MPP2: variants seen among roughly 807,000 people sequenced by gnomAD.
MPP2 encodes the protein MAGUK p55 subfamily member 2.
A neutral mutation model predicts 58.5 loss-of-function variants in MPP2; 42 were observed. That is an observed-to-expected ratio of 0.72 (90% confidence interval 0.56 to 0.93). The LOEUF (loss-of-function observed/expected upper bound fraction) is 0.93. Ranked by LOEUF, MPP2 falls within the 40% of genes least tolerant of loss-of-function variation. MPP2 has a pLI of 0.00. For missense variants in MPP2, 632 were observed against 760.4 expected (o/e 0.83, Z 1.99); for synonymous variants, 300 against 307.8 (o/e 0.97, Z 0.26).
In MPP2 at chr17:43,879,749, TGGGC is replaced by T; in HGVS notation, c.1353+29_1353+32del. On this transcript the variant is annotated intron_variant, in intron 11 of 12. Coordinates refer to ENST00000269095, the MANE Select transcript of MPP2 (RefSeq NM_005374.5). This position sits in a 1 kb window ranked among gnomAD's most constrained non-coding sequence, Gnocchi z 4.1. ...AGCAATGAGGCAGCAGAGAGGACATTGGGCAGGCTGGGAAGGAGCAGAGTGGCGG... is the reference window on the plus strand; with the variant it reads ...AGCAATGAGGCAGCAGAGAGGACATTAGGCTGGGAAGGAGCAGAGTGGCGG... 1.2e-6 allele frequency: 2 copies of T among 1,610,066 alleles called. No individual in the cohort carries two copies. The highest frequency in any genetic ancestry group is 1.7e-6 in the Non-Finnish European group (2 of 1,178,652).
At chr17:43,890,943 C>T (rs924788204) in intron 3 of MPP2, among the ~76,000 whole-genome samples, 5 of 152,214 alleles carry the variant, frequency 3.3e-5, no homozygotes, top group African/African-American at 9.6e-5. Context: ...ACCCAACCAA[C>T]CCACAAAATC....
intron 3 of MPP2, among the ~76,000 whole-genome samples, chr17:43,891,766 T>C (rs1161703246): frequency 2.0e-5 from 3 of 152,176 alleles, no homozygotes; most frequent in African/African-American, 7.2e-5. Flanking sequence ...TATTAATTTT[T>C]TAAAAATTCC....
In MPP2 at chr17:43,879,173, T is replaced by C. The variant is rs2046983710; in HGVS notation, c.1482+102A>G. ...CTCACTGATAACTGGAGCAGGCCCC[T>C]GTCCCTCCCCAACACCACCTCCTTC... On this transcript the variant is annotated intron_variant, in intron 12 of 12. Coordinates refer to ENST00000269095, the MANE Select transcript of MPP2 (RefSeq NM_005374.5). This position sits in a 1 kb window ranked among gnomAD's most constrained non-coding sequence, Gnocchi z 4.1. 4 of 1,417,948 alleles carry C rather than the reference T, an allele frequency of 2.8e-6. No homozygotes were observed. The highest frequency in any genetic ancestry group is 3.9e-6 in the Non-Finnish European group (4 of 1,035,508). The allele number at this position is 1,417,948 out of a possible 1,614,324, so 87.8% of individuals were successfully genotyped here.
chr17:43,890,048 G>C (rs566402089), intron 3 of MPP2, among the ~76,000 whole-genome samples: 90 of 151,888 alleles, frequency 5.9e-4, no homozygotes, highest in Non-Finnish European at 1.2e-3. Flanking sequence ...TCCTGAACTG[G>C]TGATCCACCC....
chr17:43,889,296 C>G (rs950889209), intron 3 of MPP2, among the ~76,000 whole-genome samples: 1 of 151,782 alleles, frequency 6.6e-6, no homozygotes, highest in Non-Finnish European at 1.5e-5. Flanking sequence ...AAACAAAGCT[C>G]TTGTCAATAT....
chr17:43,906,048 T>C, intron 1 of MPP2: 1 of 959,458 alleles, frequency 1.0e-6, no homozygotes, highest in South Asian at 4.8e-5. Flanking sequence ...GGAGGAGGGA[T>C]CCCTTCCCTC....
At chr17:43,904,330 G>A in intron 2 of MPP2, 100 bp downstream of exon 2, 1 of 1,124,002 alleles carries the variant, frequency 8.9e-7, no homozygotes, top group Non-Finnish European at 1.3e-6. Flanking sequence ...AGTGGAGCCA[G>A]TTGGTTCTTA....
intron 3 of MPP2, among the ~76,000 whole-genome samples, chr17:43,890,110 C>T (rs533708638): frequency 1.3e-5 from 2 of 152,150 alleles, no homozygotes; most frequent in Admixed American, 6.5e-5. Flanking sequence ...CCGCACCCGG[C>T]CGTATTTTCT....
intron 3 of MPP2, among the ~76,000 whole-genome samples, chr17:43,889,177 C>T (rs1265336002): frequency 1.3e-5 from 2 of 152,172 alleles, no homozygotes; most frequent in East Asian, 1.9e-4. Context: ...CTGCCTGCCT[C>T]GGCCTCCCAA....
In MPP2 at chr17:43,905,730, G is replaced by A. The variant is rs146067052; in HGVS notation, c.-33-1237C>T. 1,018 of 152,414 alleles carry A rather than the reference G, an allele frequency of 6.7e-3. 5 individuals are homozygous for A. The highest frequency in any genetic ancestry group is 0.015 in the Admixed American group (232 of 15,300). 9.4% of individuals were successfully genotyped at this position (152,414 alleles called of 1,614,324 possible). ...TGAGTCCTGGGGGTGGGGGAACCAC[G>A]GCAACTCCACCTCCCCCCAAAAGAG... On this transcript the variant is annotated intron_variant, in intron 1 of 12. Coordinates refer to ENST00000269095, the MANE Select transcript of MPP2 (RefSeq NM_005374.5).
intron 2 of MPP2, among the ~76,000 whole-genome samples, chr17:43,900,154 G>C (rs1290726704): frequency 6.6e-6 from 1 of 152,184 alleles, no homozygotes; most frequent in Non-Finnish European, 1.5e-5. Flanking sequence ...AGAAAAAAAA[G>C]TGCAAGCTTG....
At chr17:43,894,844 AGGGC>A (rs1183154222) in intron 3 of MPP2, among the ~76,000 whole-genome samples, 1 of 8,198 alleles carries the variant, frequency 1.2e-4, no homozygotes, top group East Asian at 0.1. Context: ...CTAAGGCAGG[AGGGC>A]AGGAGGATCA....
At position 43,886,181 on chromosome 17, in the gene MPP2, C is replaced by T. The variant is rs377704130; in HGVS notation, c.151-2826G>A. 2.6e-5 allele frequency among the ~76,000 whole-genome samples: 4 copies of T among 152,054 alleles called. No individual in the cohort carries two copies. In the South Asian group the frequency reaches 6.2e-4, roughly 24 times the overall value. ...AGAACACTGTATATACCCTTTGATA[C>T]CCTAGGGCTTTTATTTAACTGGTTT... On this transcript the variant is annotated intron_variant, in intron 3 of 12. Coordinates refer to ENST00000269095, the MANE Select transcript of MPP2 (RefSeq NM_005374.5).
chr17:43,906,494 C>CA (rs796204406), intron 1 of MPP2, among the ~76,000 whole-genome samples: 36 of 152,318 alleles, frequency 2.4e-4, no homozygotes, highest in African/African-American at 8.2e-4. Context: ...GCGAGCGGAC[C>CA]AGCAGTGAAA....
At chr17:43,909,497 A>C (rs187865298), upstream of MPP2, 186 of 1,176,326 alleles carry the variant, frequency 1.6e-4, 1 homozygote, top group African/African-American at 2.7e-3. Flanking sequence ...AAGGATCTTG[A>C]ATCTCTACAA....
At position 43,883,310 on chromosome 17, in the gene MPP2, T is replaced by G; in HGVS notation, c.196A>C (p.Asn66His). 6.2e-7 allele frequency: 1 copy of G among 1,613,176 alleles called. No homozygotes were observed. The highest frequency in any genetic ancestry group is 8.5e-7 in the Non-Finnish European group (1 of 1,179,944). ...EETKLEAVRD[N>H]NLELVQEILR... ...ATCTCCTGCACCAGCTCCAGGTTGT[T>G]GTCTCTCACGGCCTCCAGCTTCGTC... The change falls in exon 4 of 13, where the codon AAC becomes CAC. Residue 66 changes from asparagine to histidine, a missense_variant. Asn to His is a moderately conservative substitution (Grantham distance 68). Transcript: ENST00000269095.
chr17:43,909,605 C>G (rs748509918), upstream of MPP2: 1 of 1,483,232 alleles, frequency 6.7e-7, no homozygotes, highest in Non-Finnish European at 8.9e-7. Context: ...TCTGGGATCT[C>G]AGATTCTGGC....
intron 2 of MPP2, among the ~76,000 whole-genome samples, chr17:43,901,864 C>T (rs2048108944): frequency 6.6e-6 from 1 of 152,212 alleles, no homozygotes; most frequent in Non-Finnish European, 1.5e-5. Context: ...AAGAGGAATA[C>T]ACCCATACCC....
chr17:43,883,580 C>A (rs1398933560), intron 3 of MPP2, among the ~76,000 whole-genome samples: 1 of 151,986 alleles, frequency 6.6e-6, no homozygotes, highest in Middle Eastern at 3.2e-3. Flanking sequence ...AGGAAGAAAC[C>A]AAAGGACAAA....
Sources: gnomAD v4.1 joint callset for allele counts (sites outside exome capture counted in the v4.1 genomes callset) on GRCh38, gnomAD v4.1.1 for gene constraint, Gnocchi (gnomAD v3.1) non-coding constraint, MANE v1.5 for transcripts, NCBI Gene and HGNC (gene_info 2026-07-23, HGNC 2026-07-21) for gene names.